The following CCDC6 variants were observed in gnomAD, a reference collection of about 807,000 sequenced individuals.
CCDC6 encodes the protein coiled-coil domain containing 6, also known as coiled-coil domain-containing protein 6.
Under a neutral mutation model 56.6 loss-of-function variants are expected in CCDC6, and 20 were observed. That is an observed-to-expected ratio of 0.35 (90% CI 0.25 to 0.51). CCDC6 has a LOEUF of 0.51. CCDC6 is among the 20% of genes least tolerant of loss of function. The probability of loss-of-function intolerance (pLI) is 0.95; values close to 1 mark genes in which losing one functional copy is unlikely to be tolerated. For synonymous variants in CCDC6, 241 were observed against 234.4 expected, an observed-to-expected ratio of 1.03 and a Z score of -0.26; for missense variants, 367 against 601.1, an observed-to-expected ratio of 0.61 and a Z score of 4.07.
chr10:59,906,266 C>T lies in CCDC6; in HGVS notation c.159G>A (p.Pro53=). 1.2e-6 allele frequency: 2 copies of T among 1,612,232 alleles called. No individual in the cohort carries two copies. Among genetic ancestry groups the T allele is most frequent in the Non-Finnish European group, 1.7e-6 (2 of 1,179,802 alleles). The change falls in exon 1 of 9, where the codon CCG becomes CCA. Residue 53 remains proline (P), a synonymous_variant. Transcript: ENST00000263102. ...GGKSGGIVIS[P]FRLEELTNRL... ...GGTTGGTGAGCTCCTCCAGGCGGAA[C>T]GGCGAGATGACAATGCCCCCCGACT...
intron 3 of CCDC6, among the ~76,000 whole-genome samples, chr10:59,826,227 A>G (rs1368308511): frequency 6.6e-6 from 1 of 152,118 alleles, no homozygotes; most frequent in Non-Finnish European, 1.5e-5. Context: ...CATGACCCCC[A>G]AAGTAGAGGC....
chr10:59,815,458 TGGG>T (rs2132633395), intron 3 of CCDC6, among the ~76,000 whole-genome samples: 1 of 152,292 alleles, frequency 6.6e-6, no homozygotes, highest in Non-Finnish European at 1.5e-5. Flanking sequence ...GACTGGATAA[TGGG>T]GGCATAGCAG....
At chr10:59,886,566 A>G (rs560859679) in intron 1 of CCDC6, among the ~76,000 whole-genome samples, 1 of 152,318 alleles carries the variant, frequency 6.6e-6, no homozygotes, top group East Asian at 1.9e-4. Context: ...TTTTTTCCAA[A>G]GAAGTAAATA....
At chr10:59,822,129 ACTTT>A (rs1333031125) in intron 3 of CCDC6, among the ~76,000 whole-genome samples, 1 of 152,220 alleles carries the variant, frequency 6.6e-6, no homozygotes, top group Non-Finnish European at 1.5e-5. Flanking sequence ...CTCAGAGTTT[ACTTT>A]CTTTAATACA....
intron 7 of CCDC6, among the ~76,000 whole-genome samples, chr10:59,799,425 C>A (rs547820814): frequency 1.3e-5 from 2 of 152,060 alleles, no homozygotes; most frequent in Admixed American, 6.5e-5. Flanking sequence ...GACTCTATCT[C>A]GAAAAAAGAA....
intron 7 of CCDC6, 62 bp downstream of exon 7, chr10:59,804,358 C>T: frequency 1.1e-6 from 1 of 924,806 alleles, no homozygotes; most frequent in African/African-American, 1.6e-5. Flanking sequence ...GGAACACAGT[C>T]AGGGTTGCCT....
chr10:59,867,647 G>A (rs117753802), intron 1 of CCDC6, among the ~76,000 whole-genome samples: 7,660 of 152,202 alleles, frequency 0.05, 270 homozygotes, highest in Middle Eastern at 0.13. Flanking sequence ...TTGACTTCCC[G>A]GGCTTGAGTA....
chr10:59,829,989 T>C (rs1209375103), intron 3 of CCDC6, among the ~76,000 whole-genome samples: 1 of 152,206 alleles, frequency 6.6e-6, no homozygotes, highest in Non-Finnish European at 1.5e-5. Flanking sequence ...CTGGTTGCTT[T>C]GAAGTCAGAG....
chr10:59,792,813 G>T lies in CCDC6; in HGVS notation c.*104C>A, dbSNP rs746966821. The T allele has an allele frequency of 3.7e-5, 42 of 1,147,746 alleles. No individual in the cohort carries two copies. The African/African-American group carries it at 5.7e-4, about 16-fold the overall frequency. The allele number at this position is 1,147,746 out of a possible 1,614,324, so 71.1% of individuals were successfully genotyped here. A position where few individuals can be genotyped will look rare whatever the true frequency, so the allele number is the denominator to read the frequency against. The stretch of plus-strand genomic sequence containing the variant: ...ATAGTGAAGCCTAGATAACCTCAGT[G>T]CAAATAAGTCATATCCAAATATGCC... On this transcript the variant is annotated 3_prime_UTR_variant, in exon 9 of 9. Transcript: ENST00000263102.
chr10:59,794,383 A>C lies in CCDC6; in HGVS notation c.1230+90T>G. On this transcript the variant is annotated intron_variant, in intron 8 of 8. Coordinates refer to ENST00000263102, the MANE Select transcript of CCDC6 (RefSeq NM_005436.5). ...ATGGAGGAGGCAGGAAGAAGGGCAA[A>C]TGTCTAAGGGCACCGATCCTGTTCT... The C allele has an allele frequency of 2.3e-6, 3 of 1,328,718 alleles. 1 individual carries two copies. In the South Asian group the frequency reaches 4.0e-5, roughly 18 times the overall value. The allele number at this position is 1,328,718 out of a possible 1,614,324, so 82.3% of individuals were successfully genotyped here. A position where few individuals can be genotyped will look rare whatever the true frequency, so the allele number is the denominator to read the frequency against.
intron 3 of CCDC6, among the ~76,000 whole-genome samples, chr10:59,825,204 T>C (rs2070778007): frequency 6.6e-6 from 1 of 152,228 alleles, no homozygotes; most frequent in African/African-American, 2.4e-5. Flanking sequence ...TTCCCACATG[T>C]TGTGGGAGGG....
At chr10:59,876,073 CTTTT>C (rs1172379933) in intron 1 of CCDC6, among the ~76,000 whole-genome samples, 1 of 97,580 alleles carries the variant, frequency 1.0e-5, no homozygotes, top group Admixed American at 1.3e-4. Context: ...GCACAGATGT[CTTTT>C]TTTTTTTTTT....
At chr10:59,875,786 T>G (rs536777941) in intron 1 of CCDC6, among the ~76,000 whole-genome samples, 3 of 152,200 alleles carry the variant, frequency 2.0e-5, no homozygotes, top group African/African-American at 7.2e-5. Context: ...GACCTCTGTA[T>G]GCAATTTGAT....
chr10:59,802,392 AT>A (rs2070583968), intron 7 of CCDC6, among the ~76,000 whole-genome samples: 1 of 152,222 alleles, frequency 6.6e-6, no homozygotes. Context: ...TAAGGAAGTG[AT>A]TAGATATTCT....
Position 59,906,394 on chromosome 10 carries a change from C to T in CCDC6, c.31G>A (p.Asp11Asn), listed in dbSNP as rs773525409. The T allele has an allele frequency of 1.3e-6, 2 of 1,581,526 alleles. No individual in the cohort carries two copies. Among genetic ancestry groups the T allele is most frequent in the South Asian group, 1.1e-5 (1 of 89,036 alleles). The change falls in exon 1 of 9, where the codon GAC becomes AAC. Residue 11 changes from aspartate to asparagine, a missense_variant. By Grantham distance (23) the Asp-to-Asn change is conservative (BLOSUM62 1). Around this residue, in one of 7 missense-constraint regions of CCDC6, gnomAD observed 79 missense variants for 74.9 expected, o/e 1.05. Coordinates refer to ENST00000263102, the MANE Select transcript of CCDC6 (RefSeq NM_005436.5). ...CTGCTGCTGTTGCCCCCCGCCCCGT[C>T]CGTGTCGCTCTCGCTGGCGCTGTCC... MADSASESDT[D>N]GAGGNSSSSA...
chr10:59,844,262 A>G (rs2070968851), intron 2 of CCDC6, among the ~76,000 whole-genome samples: 1 of 152,086 alleles, frequency 6.6e-6, no homozygotes, highest in Non-Finnish European at 1.5e-5. Flanking sequence ...TGAGGACCAG[A>G]GTCAGGCCCT....
chr10:59,797,686 TGTGTGTG>T (rs1289465252), intron 7 of CCDC6, among the ~76,000 whole-genome samples: 6 of 115,568 alleles, frequency 5.2e-5, no homozygotes, highest in African/African-American at 2.7e-4. Flanking sequence ...GAGAGTGTTG[TGTGTGTG>T]TGTGTGTGTG....
intron 1 of CCDC6, among the ~76,000 whole-genome samples, chr10:59,863,571 G>A (rs2071152438): frequency 6.6e-6 from 1 of 152,116 alleles, no homozygotes; most frequent in African/African-American, 2.4e-5. Flanking sequence ...GTGGGTGGTG[G>A]GGAGAGGGAT....
chr10:59,901,024 C>T (rs1177149198), intron 1 of CCDC6, among the ~76,000 whole-genome samples: 1 of 152,092 alleles, frequency 6.6e-6, no homozygotes, highest in Non-Finnish European at 1.5e-5. Context: ...CACCACTGCA[C>T]TCCAGTCTGG....
Sources: allele counts gnomAD v4.1 joint callset (sites outside exome capture counted in the v4.1 genomes callset), GRCh38; gene constraint gnomAD v4.1.1; regional missense constraint gnomAD v4.1.1; transcripts MANE v1.5; gene names NCBI Gene and HGNC (gene_info 2026-07-23, HGNC 2026-07-21).